The following RMND5A variants were observed in gnomAD, a reference collection of about 807,000 sequenced individuals.
RMND5A encodes required for meiotic nuclear division 5 homolog A.
Under a neutral mutation model 49.7 loss-of-function variants are expected in RMND5A, and 17 were observed. The ratio of observed to expected loss-of-function variants is 0.34; its 90% CI spans 0.23 to 0.51. RMND5A has a LOEUF of 0.51. RMND5A is among the 20% of genes least tolerant of loss of function. The pLI is 0.96. For synonymous variants in RMND5A, 156 were observed against 167.7 expected (o/e 0.93, Z 0.54); for missense variants, 255 against 471.3 (o/e 0.54, Z 4.25).
intron 2 of RMND5A, among the ~76,000 whole-genome samples, chr2:86,743,997 A>T (rs970789590): frequency 6.6e-6 from 1 of 151,496 alleles, no homozygotes; most frequent in Non-Finnish European, 1.5e-5. Context: ...AAAAAAATAC[A>T]TACATACATA....
At position 86,777,681 on chromosome 2, in the gene RMND5A, G is replaced by A. The variant is rs1370045291; in HGVS notation, c.*4270G>A. On this transcript the variant is annotated 3_prime_UTR_variant, in exon 9 of 9. Transcript: ENST00000283632. ...GTTGCACTGTAATCTATCATATAGA[G>A]CTATATGTATGGAAAATTTTGATCA... is the stretch of plus-strand genomic sequence containing the variant. 1.3e-5 allele frequency: 2 copies of A among 152,118 alleles called. No homozygotes were observed. The highest frequency in any genetic ancestry group is 4.8e-5 in the African/African-American group (2 of 41,418). The allele number at this position is 152,118 out of a possible 1,614,324, so 9.4% of individuals were successfully genotyped here.
At chr2:86,771,284 G>A in intron 7 of RMND5A, 1 of 318,452 alleles carries the variant, frequency 3.1e-6, no homozygotes, top group South Asian at 9.8e-5. Context: ...AAGACTGTGT[G>A]TCAAGCCAGT....
chr2:86,762,808 A>C (rs36031237), intron 4 of RMND5A, among the ~76,000 whole-genome samples: 3,776 of 151,208 alleles, frequency 0.025, 80 homozygotes, highest in Non-Finnish European at 0.044. Flanking sequence ...TGGGAGGCCA[A>C]GGCGGGAGGA....
intron 6 of RMND5A, among the ~76,000 whole-genome samples, chr2:86,767,425 CTTTTTTTTTTTT>C (rs11468234): frequency 7.2e-6 from 1 of 139,516 alleles, no homozygotes; most frequent in Non-Finnish European, 1.6e-5. Flanking sequence ...TTTTGGCAGT[CTTTTTTTTTTTT>C]TTTTTTTTTG....
In RMND5A at chr2:86,744,330, G is replaced by A. The variant is rs540154102; in HGVS notation, c.285+3261G>A. Among the ~76,000 whole-genome samples, 66 of 152,262 alleles carry A rather than the reference G, an allele frequency of 4.3e-4. 1 individual carries two copies. Among genetic ancestry groups the A allele is most frequent in the African/African-American group, 1.6e-3 (66 of 41,554 alleles). ...AAGCTCTGGGCAGCCTGTTGTAAAG[G>A]CTGGGTGGACCTGATTGGTGGTGAC... On this transcript the variant is annotated intron_variant, in intron 2 of 8. Transcript: ENST00000283632.
At position 86,776,413 on chromosome 2, in the gene RMND5A, A is replaced by C. The variant is rs1266528646; in HGVS notation, c.*3002A>C. ...TTGAAAATAAGAAAGCTATGAAGTAAATGTTAACTTCTCTGTAGCAGCTAA... is the reference window on the plus strand; with the variant it reads ...TTGAAAATAAGAAAGCTATGAAGTACATGTTAACTTCTCTGTAGCAGCTAA... On this transcript the variant is annotated 3_prime_UTR_variant, in exon 9 of 9. Transcript: ENST00000283632. The C allele has an allele frequency of 6.6e-6, 1 of 152,174 alleles. No homozygotes were observed. The highest frequency in any genetic ancestry group is 2.4e-5 in the African/African-American group (1 of 41,420). The allele number at this position is 152,174 out of a possible 1,614,324, so 9.4% of individuals were successfully genotyped here.
At chr2:86,764,254 A>G (rs1672555027) in intron 4 of RMND5A, among the ~76,000 whole-genome samples, 1 of 152,238 alleles carries the variant, frequency 6.6e-6, no homozygotes, top group Non-Finnish European at 1.5e-5. Flanking sequence ...GCTTCTATAT[A>G]TTAATATATT....
At chr2:86,765,233 G>C (rs369188292) in intron 5 of RMND5A, 40 bp downstream of exon 5, 8 of 1,537,670 alleles carry the variant, frequency 5.2e-6, no homozygotes, top group Non-Finnish European at 7.1e-6. Flanking sequence ...TTGAAACAGG[G>C]CTATAGCCAC....
Position 86,774,036 on chromosome 2 carries a change from A to G in RMND5A, c.*625A>G, listed in dbSNP as rs1406965373. On this transcript the variant is annotated 3_prime_UTR_variant, in exon 9 of 9. Coordinates refer to ENST00000283632, the MANE Select transcript of RMND5A (RefSeq NM_022780.4). ...GCAGCCCCAGCAGGCTGCGTGTTTA[A>G]GAATTTCATTGTTTAACTGGCTGGT... 4 of 152,666 alleles carry G rather than the reference A, an allele frequency of 2.6e-5. No homozygotes were observed. Among genetic ancestry groups the G allele is most frequent in the Non-Finnish European group, 5.9e-5 (4 of 68,050 alleles). The allele number at this position is 152,666 out of a possible 1,614,324, so 9.5% of individuals were successfully genotyped here.
intron 2 of RMND5A, among the ~76,000 whole-genome samples, chr2:86,747,699 G>C (rs999945572): frequency 6.6e-6 from 1 of 152,168 alleles, no homozygotes; most frequent in Admixed American, 6.6e-5. Flanking sequence ...TGTGACCACT[G>C]TCTGCTCAGT....
intron 2 of RMND5A, among the ~76,000 whole-genome samples, chr2:86,744,379 G>A (rs1376782264): frequency 2.0e-5 from 3 of 152,182 alleles, no homozygotes; most frequent in Non-Finnish European, 2.9e-5. Context: ...GCTGAATCCA[G>A]TGTGGCATAA....
In RMND5A at chr2:86,760,347, G is replaced by A. The variant is rs1261195079; in HGVS notation, c.522-4680G>A. ...GCCTAAGCCACTGCACCCAGCCCTT[G>A]TATTCTTTATTGAACCTATGGGCAG... On this transcript the variant is annotated intron_variant, in intron 4 of 8. Transcript: ENST00000283632. Among the ~76,000 whole-genome samples the A allele has an allele frequency of 2.6e-5, 4 of 152,094 alleles. 1 individual carries two copies. In the South Asian group the frequency reaches 6.2e-4, roughly 24 times the overall value.
At chr2:86,771,926 T>G (rs1558728238) in intron 8 of RMND5A, among the ~76,000 whole-genome samples, 2 of 152,240 alleles carry the variant, frequency 1.3e-5, no homozygotes, top group Non-Finnish European at 2.9e-5. Context: ...TGTCTTTAAC[T>G]TAACTTTTGG....
intron 2 of RMND5A, among the ~76,000 whole-genome samples, chr2:86,742,651 A>G (rs1681468420): frequency 1.3e-5 from 2 of 151,982 alleles, no homozygotes. Context: ...AGGTACAGTA[A>G]CTACTGGTGG....
intron 4 of RMND5A, among the ~76,000 whole-genome samples, chr2:86,764,566 G>T (rs1455755823): frequency 6.6e-6 from 1 of 152,180 alleles, no homozygotes; most frequent in Non-Finnish European, 1.5e-5. Context: ...GGAAATAATG[G>T]TATTTACTGT....
At position 86,770,074 on chromosome 2, in the gene RMND5A, G is replaced by A. The variant is rs199868996; in HGVS notation, c.906G>A (p.Val302=). ...CAGCTTTAATTAACATCAAAGCCGT[G>A]ATTGAACAGAGGCAGTGTACTGGAG... The part of the protein sequence containing the change: ...ALPALINIKA[V]IEQRQCTGVW... The change falls in exon 7 of 9, where the codon GTG becomes GTA. Residue 302 remains valine (V), a synonymous_variant. Transcript: ENST00000283632. The A allele has an allele frequency of 8.1e-6, 13 of 1,613,916 alleles. No individual in the cohort carries two copies. Among genetic ancestry groups the A allele is most frequent in the Non-Finnish European group, 1.1e-5 (13 of 1,179,948 alleles).
chr2:86,757,583 A>G (rs745564644), intron 4 of RMND5A, among the ~76,000 whole-genome samples: 9 of 152,136 alleles, frequency 5.9e-5, no homozygotes, highest in Non-Finnish European at 1.0e-4. Context: ...AGGTGGGGGA[A>G]ATATTAGAAA....
At chr2:86,769,671 C>T (rs1168986127) in intron 6 of RMND5A, among the ~76,000 whole-genome samples, 2 of 150,160 alleles carry the variant, frequency 1.3e-5, no homozygotes, top group East Asian at 1.9e-4. Context: ...ATTACCCTAG[C>T]AGATGAGTTT....
At chr2:86,760,418 T>C (rs1009927405) in intron 4 of RMND5A, among the ~76,000 whole-genome samples, 9 of 152,260 alleles carry the variant, frequency 5.9e-5, no homozygotes, top group African/African-American at 1.9e-4. Flanking sequence ...TACCACAGTT[T>C]AGTTAAATAA....
Sources: allele counts gnomAD v4.1 joint callset (sites outside exome capture counted in the v4.1 genomes callset), GRCh38; gene constraint gnomAD v4.1.1; transcripts MANE v1.5; gene names NCBI Gene and HGNC (gene_info 2026-07-23, HGNC 2026-07-21).